Variants in KRCC1 observed in about 807,000 individuals in gnomAD.
The protein encoded by KRCC1 is lysine rich coiled-coil 1.
A neutral mutation model predicts 7.4 loss-of-function variants in KRCC1; 3 were observed. The observed-to-expected ratio is 0.40, with a 90% CI of 0.18 to 1.04. The LOEUF (loss-of-function observed/expected upper bound fraction) is 1.04. Among genes scored for constraint, KRCC1 ranks in the 50% least tolerant of loss-of-function variants. The pLI is 0.33. For missense variants in KRCC1, 277 were observed against 300.9 expected (o/e 0.92, Z 0.59); for synonymous variants, 102 against 101.6 (o/e 1.00, Z -0.02).
chr2:88,053,380 A>G (rs1673540338), intron 1 of KRCC1, among the ~76,000 whole-genome samples: 1 of 145,700 alleles, frequency 6.9e-6, no homozygotes, highest in South Asian at 2.1e-4. Context: ...AAGTCATTGC[A>G]AAATCAAAAA....
At position 88,028,052 on chromosome 2, in the gene KRCC1, G is replaced by C; in HGVS notation, c.512C>G (p.Ser171Ter). The change falls in exon 4 of 4, where the codon TCA becomes TGA. Residue 171 changes from serine (S) to a stop codon, truncating the protein, a stop_gained. Coordinates refer to ENST00000347055, the MANE Select transcript of KRCC1 (RefSeq NM_016618.3). LOFTEE classifies it high-confidence loss of function. ...KRHPEEGREK[S>*]EEERSKHKRK... Reference sequence around the variant, plus strand: ...CTTATGCTTAGACCGCTCCTCCTCTGATTTTTCTCTGCCTTCCTCTGGGTG... The same window carrying C: ...CTTATGCTTAGACCGCTCCTCCTCTCATTTTTCTCTGCCTTCCTCTGGGTG... The C allele has an allele frequency of 6.2e-7, 1 of 1,613,972 alleles. No homozygotes were observed. The highest frequency in any genetic ancestry group is 8.5e-7 in the Non-Finnish European group (1 of 1,179,998).
At chr2:88,051,429 G>A (rs1385639897) in intron 1 of KRCC1, among the ~76,000 whole-genome samples, 4 of 152,196 alleles carry the variant, frequency 2.6e-5, no homozygotes, top group African/African-American at 4.8e-5. Context: ...GGAGGAATCT[G>A]CTAACAAAGT....
chr2:88,055,275 T>TTCAATA, intron 1 of KRCC1, among the ~76,000 whole-genome samples: 1 of 152,272 alleles, frequency 6.6e-6, no homozygotes, highest in Middle Eastern at 3.4e-3. Flanking sequence ...TATTTATCCC[T>TTCAATA]GTCCCCTCAA....
At chr2:88,050,430 A>C (rs1673449906) in intron 1 of KRCC1, among the ~76,000 whole-genome samples, 1 of 152,164 alleles carries the variant, frequency 6.6e-6, no homozygotes. Context: ...AAACCAGCCC[A>C]GCCAACACGG....
At chr2:88,053,078 T>C (rs1025647207) in intron 1 of KRCC1, among the ~76,000 whole-genome samples, 2 of 152,076 alleles carry the variant, frequency 1.3e-5, no homozygotes, top group Admixed American at 6.6e-5. Flanking sequence ...TGCTCAATGA[T>C]GACAACCTAA....
In KRCC1 at chr2:88,027,609, G is replaced by A; in HGVS notation, c.*175C>T. On this transcript the variant is annotated 3_prime_UTR_variant, in exon 4 of 4. Transcript: ENST00000347055. ...ATGTAATAATGCTTTTAGAAAATGA[G>A]GAAAAGCAATTTCTGTGTTGGAGAG... 1 of 495,158 alleles carries A rather than the reference G, an allele frequency of 2.0e-6. No individual in the cohort carries two copies. Among genetic ancestry groups the A allele is most frequent in the East Asian group, 3.1e-5 (1 of 31,938 alleles). The allele number at this position is 495,158 out of a possible 1,614,324, so 30.7% of individuals were successfully genotyped here.
intron 1 of KRCC1, among the ~76,000 whole-genome samples, chr2:88,055,284 A>G (rs1235803171): frequency 6.6e-6 from 1 of 151,622 alleles, no homozygotes; most frequent in East Asian, 1.9e-4. Context: ...CTGTCCCCTC[A>G]ATTTTCGAGT....
intron 1 of KRCC1, among the ~76,000 whole-genome samples, chr2:88,050,274 T>G (rs190577113): frequency 1.3e-5 from 2 of 152,240 alleles, no homozygotes; most frequent in Non-Finnish European, 2.9e-5. Context: ...ACTCAATAAG[T>G]AGCCAGAAAT....
chr2:88,046,527 T>C (rs960752061), intron 1 of KRCC1, among the ~76,000 whole-genome samples: 1 of 152,238 alleles, frequency 6.6e-6, no homozygotes, highest in Admixed American at 6.5e-5. Flanking sequence ...TGGTTACCCA[T>C]AAACAAGGCA....
At chr2:88,046,735 A>G (rs912618174) in intron 1 of KRCC1, among the ~76,000 whole-genome samples, 2 of 152,164 alleles carry the variant, frequency 1.3e-5, no homozygotes, top group African/African-American at 4.8e-5. Context: ...CAGTGGTGCA[A>G]TCTCGACTCA....
At chr2:88,037,991 T>C (rs1365750464) in intron 1 of KRCC1, among the ~76,000 whole-genome samples, 2 of 152,246 alleles carry the variant, frequency 1.3e-5, no homozygotes, top group East Asian at 3.8e-4. Flanking sequence ...GCCAATCATG[T>C]AACATCAAAA....
intron 1 of KRCC1, among the ~76,000 whole-genome samples, chr2:88,048,061 A>G (rs1452343044): frequency 6.7e-6 from 1 of 150,084 alleles, no homozygotes; most frequent in Non-Finnish European, 1.5e-5. Flanking sequence ...TTTTTCTGTC[A>G]GCAATGTTAT....
intron 1 of KRCC1, among the ~76,000 whole-genome samples, chr2:88,038,275 C>T (rs918536075): frequency 3.9e-5 from 6 of 152,164 alleles, no homozygotes; most frequent in African/African-American, 1.4e-4. Context: ...AGGATGGTGA[C>T]ATCCAGACCT....
intron 1 of KRCC1, among the ~76,000 whole-genome samples, chr2:88,046,017 G>A (rs1171332664): frequency 6.6e-6 from 1 of 152,126 alleles, no homozygotes; most frequent in Non-Finnish European, 1.5e-5. Flanking sequence ...TTTATTATAA[G>A]TAAAATGTAC....
intron 1 of KRCC1, among the ~76,000 whole-genome samples, chr2:88,047,011 GAAAGTT>G (rs1215720753): frequency 4.6e-5 from 7 of 152,040 alleles, no homozygotes; most frequent in African/African-American, 1.4e-4. Context: ...AAACCACTGT[GAAAGTT>G]AAAGTAACAA....
At chr2:88,037,806 A>G (rs919215091) in intron 1 of KRCC1, among the ~76,000 whole-genome samples, 1 of 152,240 alleles carries the variant, frequency 6.6e-6, no homozygotes. Flanking sequence ...CAAGCCCTTC[A>G]AAGCTACAGT....
intron 1 of KRCC1, among the ~76,000 whole-genome samples, chr2:88,042,584 A>C (rs997362391): frequency 6.6e-6 from 1 of 152,070 alleles, no homozygotes; most frequent in Non-Finnish European, 1.5e-5. Context: ...TGCCCAGCTA[A>C]TTTTAAATAA....
At chr2:88,044,073 G>A (rs1384320107) in intron 1 of KRCC1, among the ~76,000 whole-genome samples, 2 of 152,174 alleles carry the variant, frequency 1.3e-5, no homozygotes, top group African/African-American at 4.8e-5. Flanking sequence ...AAAGGTTAAG[G>A]AACATGTCCA....
At chr2:88,036,115 T>C (rs1325578701) in intron 2 of KRCC1, among the ~76,000 whole-genome samples, 1 of 152,156 alleles carries the variant, frequency 6.6e-6, no homozygotes, top group Non-Finnish European at 1.5e-5. Context: ...GAAAACTAGA[T>C]GAGTTCTCTA....
Sources: allele counts gnomAD v4.1 joint callset (sites outside exome capture counted in the v4.1 genomes callset), GRCh38; gene constraint gnomAD v4.1.1; transcripts MANE v1.5; gene names NCBI Gene and HGNC (gene_info 2026-07-23, HGNC 2026-07-21).